The following CEP104 variants were observed in gnomAD, a reference collection of about 807,000 sequenced individuals.
CEP104 encodes centrosomal protein 104.
Under a neutral mutation model 113.3 loss-of-function variants are expected in CEP104, and 84 were observed. That is an observed-to-expected ratio of 0.74 (90% CI 0.62 to 0.89). CEP104 has a LOEUF of 0.89. Among genes scored for constraint, CEP104 ranks in the 40% least tolerant of loss-of-function variants. CEP104 has a pLI of 0.00. For synonymous variants in CEP104, 378 were observed against 421.7 expected (o/e 0.90, Z 1.27); for missense variants, 1,053 against 1,156.6 (o/e 0.91, Z 1.30).
At position 3,823,473 on chromosome 1, in the gene CEP104, A is replaced by G; in HGVS notation, c.2454T>C (p.Ala818=). Residue 818 remains alanine, a synonymous_variant, in exon 19 of 22, where the codon GCT becomes GCC. Transcript: ENST00000378230. This position sits in a 1 kb window ranked among gnomAD's most constrained non-coding sequence, Gnocchi z 4.1. ...GFGKCYRCSE[A]VFKEELPRHI... ...GTCTGGGCAGCTCTTCCTTGAAAAC[A>G]GCCTCACTGCAACGGTAACACTTTC... 6.2e-7 allele frequency: 1 copy of G among 1,614,256 alleles called. No homozygotes were observed. The highest frequency in any genetic ancestry group is 8.5e-7 in the Non-Finnish European group (1 of 1,180,052).
intron 20 of CEP104, among the ~76,000 whole-genome samples, chr1:3,818,756 G>A (rs1643917718): frequency 6.6e-6 from 1 of 152,214 alleles, no homozygotes; most frequent in African/African-American, 2.4e-5. Context: ...ATTATAAAAT[G>A]AGTGTACAGT....
At chr1:3,855,681 T>C (rs1644707857) in intron 1 of CEP104, among the ~76,000 whole-genome samples, 1 of 152,230 alleles carries the variant, frequency 6.6e-6, no homozygotes, top group Non-Finnish European at 1.5e-5. Flanking sequence ...GGATTCCTTT[T>C]TTAGTCTACC....
Position 3,839,743 on chromosome 1 carries a change from T to C in CEP104, c.600A>G (p.Leu200=). The C allele has an allele frequency of 6.2e-7, 1 of 1,612,902 alleles. No individual in the cohort carries two copies. Among genetic ancestry groups the C allele is most frequent in the Non-Finnish European group, 8.5e-7 (1 of 1,179,696 alleles). ...KSDYISPLDD[L]AFDMYQDPEV... The stretch of plus-strand genomic sequence containing the variant: ...CTGGATCTTGGTACATATCAAAAGC[T>C]AAGTCATCTAGCGGAGAGATATAGT... The change falls in exon 7 of 22, where the codon TTA becomes TTG. Residue 200 remains leucine (L), a synonymous_variant. Transcript: ENST00000378230.
At chr1:3,852,900 C>CTGG (rs1644643211) in intron 1 of CEP104, among the ~76,000 whole-genome samples, 3 of 111,136 alleles carry the variant, frequency 2.7e-5, no homozygotes, top group Non-Finnish European at 4.5e-5. Context: ...TCTAAGCGGG[C>CTGG]CGGCCAAGGA....
At chr1:3,836,857 G>T in intron 9 of CEP104, 165 bp from the exon 10 acceptor site, 1 of 608,536 alleles carries the variant, frequency 1.6e-6, no homozygotes, top group Non-Finnish European at 2.8e-6. Context: ...ACAACAAATA[G>T]GATGTAATTG....
chr1:3,855,946 C>A lies in CEP104; in HGVS notation c.-15+943G>T, dbSNP rs531450481. On this transcript the variant is annotated intron_variant, in intron 1 of 21. Coordinates refer to ENST00000378230, the MANE Select transcript of CEP104 (RefSeq NM_014704.4). ...CCGACAAATGCCAGAGTACATCTCT[C>A]CCCAGGCAGCGATGACTCCATGGCG... is the stretch of plus-strand genomic sequence containing the variant. 94 of 985,380 alleles carry A rather than the reference C, an allele frequency of 9.5e-5. No homozygotes were observed. In the African/African-American group the frequency reaches 1.6e-3, roughly 17 times the overall value. The allele number at this position is 985,380 out of a possible 1,614,324, so 61.0% of individuals were successfully genotyped here. A position where few individuals can be genotyped will look rare whatever the true frequency, so the allele number is the denominator to read the frequency against.
intron 13 of CEP104, 122 bp downstream of exon 13, chr1:3,830,924 T>C (rs777152181): frequency 9.7e-7 from 1 of 1,035,856 alleles, no homozygotes; most frequent in Non-Finnish European, 1.4e-6. Context: ...AAACACTGGC[T>C]ATTTTTCTGA....
At chr1:3,826,024 C>T (rs556365442) in intron 17 of CEP104, among the ~76,000 whole-genome samples, 158 bp from the exon 18 acceptor site, 5 of 152,270 alleles carry the variant, frequency 3.3e-5, no homozygotes, top group African/African-American at 4.8e-5. Flanking sequence ...CTGCAGGGCC[C>T]GGGCTGGGCC....
chr1:3,852,547 T>C, intron 1 of CEP104, 126 bp from the exon 2 acceptor site: 3 of 859,728 alleles, frequency 3.5e-6, no homozygotes, highest in Non-Finnish European at 5.1e-6. Flanking sequence ...AATTTTCCCA[T>C]CTCTTTGAAA....
In CEP104 at chr1:3,834,036, C is replaced by G. The variant is rs1644265122; in HGVS notation, c.1486-1G>C. The G allele has an allele frequency of 2.5e-6, 4 of 1,611,754 alleles. No individual in the cohort carries two copies. The highest frequency in any genetic ancestry group is 3.4e-6 in the Non-Finnish European group (4 of 1,178,218). ...ACAATTTCAAAGAAGCCTGAAAAAC[C>G]TAAGAGAAAAGTGATGAACACGGAT... On this transcript the variant is annotated splice_acceptor_variant, in intron 11 of 21. Coordinates refer to ENST00000378230, the MANE Select transcript of CEP104 (RefSeq NM_014704.4). LOFTEE classifies it high-confidence loss of function.
At chr1:3,826,083 G>A (rs576200569) in intron 17 of CEP104, among the ~76,000 whole-genome samples, 5 of 152,286 alleles carry the variant, frequency 3.3e-5, no homozygotes, top group Middle Eastern at 3.4e-3. Context: ...GTTAAAGCAC[G>A]ATAGGAAAGT....
Position 3,823,539 on chromosome 1 carries a change from C to A in CEP104, c.2388G>T (p.Thr796=). Residue 796 remains threonine, a synonymous_variant, in exon 19 of 22, where the codon ACG becomes ACT. Coordinates refer to ENST00000378230, the MANE Select transcript of CEP104 (RefSeq NM_014704.4). The surrounding 1 kb of genome is among the most constrained non-coding windows in gnomAD (Gnocchi z 4.1). ...TGTCACATTCCGTCAGCAAGTGCTC[C>A]GTCAGACTGGATATCTCGACCACCT... The part of the protein sequence containing the change: ...CKQVVEISSL[T]EHLLTECDKK... 6.2e-7 allele frequency: 1 copy of A among 1,614,236 alleles called. No homozygotes were observed. The highest frequency in any genetic ancestry group is 8.5e-7 in the Non-Finnish European group (1 of 1,180,054).
chr1:3,848,802 A>G, intron 2 of CEP104, 21 bp from the exon 3 acceptor site: 2 of 1,600,046 alleles, frequency 1.2e-6, no homozygotes, highest in Non-Finnish European at 8.5e-7. Context: ...ACACATTTTT[A>G]TATTTTCTGA....
rs1380179537 is a variant in CEP104, at chr1:3,845,342, C to A, written c.436G>T (p.Val146Phe). Residue 146 changes from valine (V) to phenylalanine (F), a missense_variant, in exon 5 of 22, where the codon GTT becomes TTT. Coordinates refer to ENST00000378230, the MANE Select transcript of CEP104 (RefSeq NM_014704.4). ...KYNIYNQVALVAINIIGDPAD... is the reference protein window; with the variant it reads ...KYNIYNQVALFAINIIGDPAD... ...GGGTCTCCAATGATATTTATGGCAA[C>A]CAAAGCAACCTAAGAAAGTGTTAAA... 6.2e-7 allele frequency: 1 copy of A among 1,600,678 alleles called. No homozygotes were observed. Among genetic ancestry groups the A allele is most frequent in the South Asian group, 1.1e-5 (1 of 90,294 alleles).
At position 3,821,809 on chromosome 1, in the gene CEP104, C is replaced by A. The variant is rs535787029; in HGVS notation, c.2571+1365G>T. ...CCAGACGATGAGAAGCCCTACGGGG[C>A]AAACAGCTCCTTCCTTCACCAAGTG... On this transcript the variant is annotated intron_variant, in intron 20 of 21. Transcript: ENST00000378230. Among the ~76,000 whole-genome samples, 77 of 152,328 alleles carry A rather than the reference C, an allele frequency of 5.1e-4. 2 individuals are homozygous for A. Among genetic ancestry groups the A allele is most frequent in the Middle Eastern group, 3.4e-3 (1 of 294 alleles).
Position 3,836,468 on chromosome 1 carries a change from GTTTTTTTTT to G in CEP104, c.1317+18_1317+26del, listed in dbSNP as rs36051675. 2.0e-6 allele frequency: 2 copies of G among 1,010,584 alleles called. No individual in the cohort carries two copies. The highest frequency in any genetic ancestry group is 2.6e-6 in the Non-Finnish European group (2 of 755,100). 62.6% of individuals were successfully genotyped at this position (1,010,584 alleles called of 1,614,324 possible). A position where few individuals can be genotyped will look rare whatever the true frequency, so the allele number is the denominator to read the frequency against. Reference sequence around the variant, plus strand: ...AGACTAGCCTCCCCTCTGCCACCCCGTTTTTTTTTTTTTTTTTTTTTTTTACCAAGGTTT... The same window carrying G: ...AGACTAGCCTCCCCTCTGCCACCCCGTTTTTTTTTTTTTTTACCAAGGTTT... On this transcript the variant is annotated intron_variant, in intron 10 of 21. Coordinates refer to ENST00000378230, the MANE Select transcript of CEP104 (RefSeq NM_014704.4).
rs1644018914 is a variant in CEP104, at chr1:3,823,408, G to A, written c.2503+16C>T. On this transcript the variant is annotated intron_variant, in intron 19 of 21. Transcript: ENST00000378230. The surrounding 1 kb of genome is among the most constrained non-coding windows in gnomAD (Gnocchi z 4.1). ...TGGTGACCCGAGGGCACGGGAGCCT[G>A]GGAAGGGGCACTCACGGTTGCAATC... The A allele has an allele frequency of 1.2e-6, 2 of 1,614,094 alleles. No homozygotes were observed. The highest frequency in any genetic ancestry group is 2.7e-5 in the African/African-American group (2 of 74,920).
At chr1:3,840,300 A>C (rs765587718) in intron 6 of CEP104, among the ~76,000 whole-genome samples, 2 of 151,922 alleles carry the variant, frequency 1.3e-5, no homozygotes, top group African/African-American at 4.8e-5. Context: ...GCAATGGCGC[A>C]ATCTCGGCTC....
chr1:3,846,780 C>T (rs1644516414), intron 4 of CEP104, among the ~76,000 whole-genome samples: 1 of 152,194 alleles, frequency 6.6e-6, no homozygotes, highest in Non-Finnish European at 1.5e-5. Flanking sequence ...GCTCACATTC[C>T]TCTTGGAGGG....
Sources: allele counts gnomAD v4.1 joint callset (sites outside exome capture counted in the v4.1 genomes callset), GRCh38; gene constraint gnomAD v4.1.1; non-coding constraint Gnocchi (gnomAD v3.1); transcripts MANE v1.5; gene names NCBI Gene and HGNC (gene_info 2026-07-23, HGNC 2026-07-21).